The following TNKS1BP1 variants were observed in gnomAD, a reference collection of about 807,000 sequenced individuals.
TNKS1BP1 encodes the protein 182 kDa tankyrase-1-binding protein.
In TNKS1BP1, 48 loss-of-function variants were observed where a neutral mutation model predicts 141.1. That is an observed-to-expected ratio of 0.34 (90% confidence interval 0.27 to 0.43). The LOEUF is 0.43. Ranked by LOEUF, TNKS1BP1 falls within the 20% of genes least tolerant of loss-of-function variation. The pLI, the probability that TNKS1BP1 is intolerant of heterozygous loss-of-function variation, is 1.00. For synonymous variants in TNKS1BP1, 875 were observed against 898.2 expected, an observed-to-expected ratio of 0.97 and a Z score of 0.46; for missense variants, 2,149 against 2,226.0, an observed-to-expected ratio of 0.97 and a Z score of 0.70.
At chr11:57,324,564 C>T (rs1389372556) in intron 1 of TNKS1BP1, among the ~76,000 whole-genome samples, 1 of 150,176 alleles carries the variant, frequency 6.7e-6, no homozygotes, top group Non-Finnish European at 1.5e-5. Flanking sequence ...GCCCCCGGCC[C>T]CGCCCCAAGC....
At position 57,300,665 on chromosome 11, in the gene TNKS1BP1, G is replaced by A. The variant is rs146080240; in HGVS notation, c.5130-65C>T. 5,395 of 1,603,190 alleles carry A rather than the reference G, an allele frequency of 3.4e-3. 34 individuals are homozygous for A. The highest frequency in any genetic ancestry group is 0.013 in the Middle Eastern group (76 of 6,038). On this transcript the variant is annotated intron_variant, in intron 10 of 11. Coordinates refer to ENST00000358252, the MANE Select transcript of TNKS1BP1 (RefSeq NM_033396.3). ...AGGAAACTGAACACAACAAGGAGACGTGATAGGGACAGAAACCACCCTCTA... is the reference window on the plus strand; with the variant it reads ...AGGAAACTGAACACAACAAGGAGACATGATAGGGACAGAAACCACCCTCTA...
intron 3 of TNKS1BP1, among the ~76,000 whole-genome samples, chr11:57,318,744 G>A (rs1479654607): frequency 6.6e-6 from 1 of 152,168 alleles, no homozygotes; most frequent in Non-Finnish European, 1.5e-5. Context: ...AGCACCTCCT[G>A]GCCAGCCTTG....
In TNKS1BP1 at chr11:57,321,991, C is replaced by T. The variant is rs778587829; in HGVS notation, c.-65-41G>A. 46 of 1,406,810 alleles carry T rather than the reference C, an allele frequency of 3.3e-5. No homozygotes were observed. The South Asian group carries it at 3.7e-4, about 11-fold the overall frequency. 87.1% of individuals were successfully genotyped at this position (1,406,810 alleles called of 1,614,324 possible). On this transcript the variant is annotated intron_variant, in intron 1 of 11. Coordinates refer to ENST00000358252, the MANE Select transcript of TNKS1BP1 (RefSeq NM_033396.3). ...GAAGAGAAGGAAAAAAAGAGTTGGG[C>T]GTTGCCAGTAGGTTTAGCAGAGAGA...
intron 10 of TNKS1BP1, 108 bp from the exon 11 acceptor site, chr11:57,300,708 G>C: frequency 6.5e-7 from 1 of 1,529,248 alleles, no homozygotes; most frequent in Non-Finnish European, 9.0e-7. Flanking sequence ...GAGGCAGTCT[G>C]GGGCCTGGCT....
In TNKS1BP1 at chr11:57,313,746, G is replaced by T. The variant is rs1232267802; in HGVS notation, c.942C>A (p.His314Gln). Residue 314 changes from histidine to glutamine, a missense_variant, in exon 5 of 12, where the codon CAC becomes CAA. By Grantham distance (24) the His-to-Gln change is conservative (BLOSUM62 0). Coordinates refer to ENST00000358252, the MANE Select transcript of TNKS1BP1 (RefSeq NM_033396.3). ...LHPPDKSSPC[H>Q]SQLLEAQTPE... ...GAGTCTGGGCTTCCAGAAGCTGTGA[G>T]TGGCAGGGAGAACTCTTATCAGGCG... 6.2e-7 allele frequency: 1 copy of T among 1,600,556 alleles called. No homozygotes were observed. Among genetic ancestry groups the T allele is most frequent in the African/African-American group, 1.3e-5 (1 of 74,764 alleles).
chr11:57,302,781 C>A lies in TNKS1BP1; in HGVS notation c.4361G>T (p.Gly1454Val). The A allele has an allele frequency of 6.4e-7, 1 of 1,557,118 alleles. No homozygotes were observed. The highest frequency in any genetic ancestry group is 1.2e-5 in the South Asian group (1 of 85,948). ...GGCTGCCAGCATCTCCTCCAGCAGG[C>A]CCTGGGAGCCGGAGGGTGGGGGGCG... is the stretch of plus-strand genomic sequence containing the variant. Reference protein sequence around the residue: ...PARPPPSGSQGLLEEMLAASS... With the variant: ...PARPPPSGSQVLLEEMLAASS... Residue 1454 changes from glycine (G) to valine (V), a missense_variant, in exon 7 of 12, where the codon GGC becomes GTC. By Grantham distance (109) the Gly-to-Val change is moderately radical. Transcript: ENST00000358252. The surrounding 1 kb of genome is among the most constrained non-coding windows in gnomAD (Gnocchi z 5.5).
chr11:57,319,138 C>T (rs1156796252), intron 3 of TNKS1BP1, among the ~76,000 whole-genome samples: 1 of 144,750 alleles, frequency 6.9e-6, no homozygotes, highest in Non-Finnish European at 1.5e-5. Context: ...GAGCGAGACT[C>T]CGTCTCAAAA....
rs954834956 is a variant in TNKS1BP1 at position 57,302,920 on chromosome 11, C to T, written c.4317-95G>A. 5 of 1,380,526 alleles carry T rather than the reference C, an allele frequency of 3.6e-6. No homozygotes were observed. Among genetic ancestry groups the T allele is most frequent in the Non-Finnish European group, 4.7e-6 (5 of 1,053,302 alleles). The allele number at this position is 1,380,526 out of a possible 1,614,324, so 85.5% of individuals were successfully genotyped here. ...CAAGCTCCTTCCCCCAGCCCCCAAACTCTCCCTTGCCCTCCTTCCCATGCT... is the reference window on the plus strand; with the variant it reads ...CAAGCTCCTTCCCCCAGCCCCCAAATTCTCCCTTGCCCTCCTTCCCATGCT... On this transcript the variant is annotated intron_variant, in intron 6 of 11. Coordinates refer to ENST00000358252, the MANE Select transcript of TNKS1BP1 (RefSeq NM_033396.3). This position sits in a 1 kb window ranked among gnomAD's most constrained non-coding sequence, Gnocchi z 5.5.
chr11:57,322,268 C>T (rs1242274882), intron 1 of TNKS1BP1: 1 of 1,035,464 alleles, frequency 9.7e-7, no homozygotes, highest in Non-Finnish European at 1.2e-6. Context: ...GTAGGACGGC[C>T]CCGCTGGAGG....
chr11:57,314,306 G>A (rs890098291), intron 4 of TNKS1BP1, among the ~76,000 whole-genome samples: 3 of 152,208 alleles, frequency 2.0e-5, no homozygotes, highest in African/African-American at 7.2e-5. Context: ...TGAGGGGAGA[G>A]AGGGTTTCGC....
chr11:57,308,672 C>G lies in TNKS1BP1; in HGVS notation c.4039G>C (p.Asp1347His), dbSNP rs776187172. The change falls in exon 6 of 12, where the codon GAC becomes CAC. Residue 1347 changes from aspartate to histidine, a missense_variant. By Grantham distance (81) the Asp-to-His change is moderately conservative. Coordinates refer to ENST00000358252, the MANE Select transcript of TNKS1BP1 (RefSeq NM_033396.3). Reference sequence around the variant, plus strand: ...AGCTCCACATTCTGGGGCGCCAAGTCCTGGGTCCAGTCCATCTGCCCCACT... The same window carrying G: ...AGCTCCACATTCTGGGGCGCCAAGTGCTGGGTCCAGTCCATCTGCCCCACT... Reference protein sequence around the residue: ...CGVGQMDWTQDLAPQNVELFG... With the variant: ...CGVGQMDWTQHLAPQNVELFG... The G allele has an allele frequency of 5.6e-6, 9 of 1,613,066 alleles. No individual in the cohort carries two copies. The highest frequency in any genetic ancestry group is 6.8e-6 in the Non-Finnish European group (8 of 1,180,010).
Position 57,321,935 on chromosome 11 carries a change from T to C in TNKS1BP1, c.-50A>G. The C allele has an allele frequency of 6.2e-7, 1 of 1,605,742 alleles. No individual in the cohort carries two copies. ...AGCGGGGAGGCAGAGAGGTATGAGC[T>C]GGGGTGGCTGCAGACCTAGGAAAAG... On this transcript the variant is annotated 5_prime_UTR_variant, in exon 2 of 12. Transcript: ENST00000358252.
chr11:57,316,005 C>T (rs1234801175), intron 4 of TNKS1BP1, among the ~76,000 whole-genome samples: 1 of 152,132 alleles, frequency 6.6e-6, no homozygotes, highest in Non-Finnish European at 1.5e-5. Context: ...CACTAGCTAC[C>T]ATCCATTTTC....
At chr11:57,311,466 G>C (rs1855710469) in intron 5 of TNKS1BP1, 1 of 985,772 alleles carries the variant, frequency 1.0e-6, no homozygotes, top group Non-Finnish European at 1.2e-6. Flanking sequence ...CGACGGCTCT[G>C]GCGCTGGCTC....
intron 2 of TNKS1BP1, among the ~76,000 whole-genome samples, chr11:57,321,037 G>GAATGAACAAATGAGCC (rs1855877345): frequency 6.6e-6 from 1 of 152,194 alleles, no homozygotes; most frequent in Non-Finnish European, 1.5e-5. Context: ...ACAAAAGAAT[G>GAATGAACAAATGAGCC]AATGAACAAA....
intron 1 of TNKS1BP1, among the ~76,000 whole-genome samples, chr11:57,322,573 ATTT>A (rs1307140636): frequency 4.6e-5 from 7 of 152,104 alleles, no homozygotes; most frequent in African/African-American, 1.7e-4. Context: ...TCTGGAATAT[ATTT>A]TTTTCTTTAA....
rs201237928 is a variant in TNKS1BP1, at chr11:57,309,449, C to T, written c.3262G>A (p.Gly1088Ser). 57 of 1,614,106 alleles carry T rather than the reference C, an allele frequency of 3.5e-5. No individual in the cohort carries two copies. The highest frequency in any genetic ancestry group is 2.7e-4 in the Admixed American group (16 of 60,020). ...DGEMGKRGWV[G>S]EFSLSVGPQR... ...GGGCCAACACTGAGGCTAAACTCAC[C>T]GACCCAGCCTCGCTTTCCCATCTCC... Residue 1088 changes from glycine to serine, a missense_variant, in exon 6 of 12, where the codon GGT becomes AGT. Gly to Ser is a moderately conservative substitution (Grantham distance 56). Transcript: ENST00000358252. This position sits in a 1 kb window ranked among gnomAD's most constrained non-coding sequence, Gnocchi z 4.3.
intron 3 of TNKS1BP1, among the ~76,000 whole-genome samples, chr11:57,319,429 CCAA>C (rs1449555999): frequency 6.6e-6 from 1 of 152,136 alleles, no homozygotes; most frequent in East Asian, 1.9e-4. Context: ...AAACAGGATG[CCAA>C]CGAGGCAAAG....
chr11:57,322,850 T>C (rs550623868), intron 1 of TNKS1BP1, among the ~76,000 whole-genome samples: 41 of 152,280 alleles, frequency 2.7e-4, no homozygotes, highest in Non-Finnish European at 7.4e-5. Flanking sequence ...AGGGGTTATG[T>C]GGGCTTCACT....
Sources: allele counts gnomAD v4.1 joint callset (sites outside exome capture counted in the v4.1 genomes callset), GRCh38; gene constraint gnomAD v4.1.1; non-coding constraint Gnocchi (gnomAD v3.1); transcripts MANE v1.5; gene names NCBI Gene and HGNC (gene_info 2026-07-23, HGNC 2026-07-21).